The following PPP1R16B variants were observed in gnomAD, a reference collection of about 807,000 sequenced individuals.
The protein encoded by PPP1R16B is protein phosphatase 1 regulatory subunit 16B.
Under a neutral mutation model 61.7 loss-of-function variants are expected in PPP1R16B, and 14 were observed. The ratio of observed to expected loss-of-function variants is 0.23; its 90% CI spans 0.15 to 0.35. The LOEUF (loss-of-function observed/expected upper bound fraction) is 0.35. PPP1R16B is among the 10% of genes least tolerant of loss of function. The pLI, the probability that PPP1R16B is intolerant of heterozygous loss-of-function variation, is 1.00. For synonymous variants in PPP1R16B, 266 were observed against 305.3 expected (o/e 0.87, Z 1.34); for missense variants, 547 against 752.5 (o/e 0.73, Z 3.19).
intron 2 of PPP1R16B, among the ~76,000 whole-genome samples, chr20:38,848,467 C>T (rs2084948609): frequency 6.6e-6 from 1 of 152,174 alleles, no homozygotes; most frequent in East Asian, 1.9e-4. Flanking sequence ...TATTTTGGTG[C>T]CAGTTACATA....
intron 1 of PPP1R16B, among the ~76,000 whole-genome samples, chr20:38,827,156 G>A (rs1397066463): frequency 6.6e-6 from 1 of 152,040 alleles, no homozygotes; most frequent in Non-Finnish European, 1.5e-5. Context: ...TTGCTATGTT[G>A]CCCAGGCTGT....
At chr20:38,871,356 A>C (rs1159828284) in intron 2 of PPP1R16B, among the ~76,000 whole-genome samples, 1 of 152,106 alleles carries the variant, frequency 6.6e-6, no homozygotes, top group Non-Finnish European at 1.5e-5. Context: ...TGGGGAATTC[A>C]ATAGGAGGCA....
chr20:38,865,156 G>C (rs904359286), intron 2 of PPP1R16B, among the ~76,000 whole-genome samples: 1 of 152,138 alleles, frequency 6.6e-6, no homozygotes, highest in Admixed American at 6.5e-5. Context: ...CCGGTTGAGG[G>C]AACTGGAAGG....
intron 2 of PPP1R16B, among the ~76,000 whole-genome samples, chr20:38,870,685 G>A (rs2085122609): frequency 6.6e-6 from 1 of 152,172 alleles, no homozygotes. Context: ...GCTGGCTGAT[G>A]GCCCATACTG....
chr20:38,865,565 A>G (rs913022788), intron 2 of PPP1R16B, among the ~76,000 whole-genome samples: 2 of 152,128 alleles, frequency 1.3e-5, no homozygotes, highest in Non-Finnish European at 2.9e-5. Flanking sequence ...CACTGGGATT[A>G]CAGGCGTGAG....
intron 2 of PPP1R16B, among the ~76,000 whole-genome samples, chr20:38,843,611 C>T (rs963827099): frequency 1.3e-5 from 2 of 152,220 alleles, no homozygotes; most frequent in African/African-American, 4.8e-5. Flanking sequence ...ATCACTTCTA[C>T]CATCTTCTAT....
Position 38,906,049 on chromosome 20 carries a change from C to T in PPP1R16B, c.777C>T (p.Asp259=). The change falls in exon 7 of 11, where the codon GAC becomes GAT. Residue 259 remains aspartate (D), a synonymous_variant. Coordinates refer to ENST00000299824, the MANE Select transcript of PPP1R16B (RefSeq NM_015568.4). ...ATGGAGTGCGTGTGGATGTGAAGGACTGGGATGGCTGGGAGCCCCTGCATG... is the reference window on the plus strand; with the variant it reads ...ATGGAGTGCGTGTGGATGTGAAGGATTGGGATGGCTGGGAGCCCCTGCATG... ...LDHGVRVDVK[D]WDGWEPLHAA... 6.2e-7 allele frequency: 1 copy of T among 1,613,586 alleles called. No homozygotes were observed. Among genetic ancestry groups the T allele is most frequent in the Non-Finnish European group, 8.5e-7 (1 of 1,179,906 alleles).
chr20:38,884,899 G>A (rs566275832), intron 2 of PPP1R16B, among the ~76,000 whole-genome samples: 16 of 151,780 alleles, frequency 1.1e-4, no homozygotes, highest in Admixed American at 2.6e-4. Flanking sequence ...GTGAAACCCC[G>A]TCTCTACTAA....
At chr20:38,817,606 A>G (rs1451711754) in intron 1 of PPP1R16B, among the ~76,000 whole-genome samples, 1 of 151,948 alleles carries the variant, frequency 6.6e-6, no homozygotes, top group Non-Finnish European at 1.5e-5. Context: ...AATATTGTCT[A>G]AATGAGACAA....
chr20:38,832,229 C>G (rs1002929836), intron 1 of PPP1R16B, among the ~76,000 whole-genome samples: 22 of 152,272 alleles, frequency 1.4e-4, no homozygotes, highest in African/African-American at 5.3e-4. Flanking sequence ...CCTAGTACTA[C>G]TATTTTATTA....
intron 2 of PPP1R16B, among the ~76,000 whole-genome samples, chr20:38,861,678 T>C (rs2085052253): frequency 1.4e-5 from 2 of 147,740 alleles, no homozygotes; most frequent in African/African-American, 2.5e-5. Context: ...TTCTTCTTTT[T>C]TTTTTTTTTT....
intron 1 of PPP1R16B, among the ~76,000 whole-genome samples, chr20:38,819,963 C>G (rs931892504): frequency 3.2e-4 from 48 of 152,264 alleles, no homozygotes; most frequent in African/African-American, 1.2e-3. Context: ...TCCAGTCACT[C>G]CCTACACCCT....
At chr20:38,843,270 A>T (rs1245605553) in intron 2 of PPP1R16B, among the ~76,000 whole-genome samples, 1 of 152,256 alleles carries the variant, frequency 6.6e-6, no homozygotes, top group Non-Finnish European at 1.5e-5. Context: ...ATGAACTCAA[A>T]ATTTAGCAGC....
chr20:38,885,247 C>T (rs1423320157), intron 2 of PPP1R16B, among the ~76,000 whole-genome samples: 1 of 151,764 alleles, frequency 6.6e-6, no homozygotes, highest in East Asian at 1.9e-4. Context: ...AGAATGGAGC[C>T]ACGAGAAGGT....
intron 2 of PPP1R16B, among the ~76,000 whole-genome samples, chr20:38,846,522 G>A (rs1310531300): frequency 3.3e-5 from 5 of 152,204 alleles, no homozygotes; most frequent in Admixed American, 1.3e-4. Flanking sequence ...GTCAAATGCT[G>A]TTGAGGGGTT....
In PPP1R16B at chr20:38,839,534, A is replaced by G. The variant is rs147934922; in HGVS notation, c.250+3359A>G. On this transcript the variant is annotated intron_variant, in intron 2 of 10. Coordinates refer to ENST00000299824, the MANE Select transcript of PPP1R16B (RefSeq NM_015568.4). ...CTCCTTTGCTTCTTTTTGTCCATCCATCACTACTGTTGTTAGTTTGATGTT... is the reference window on the plus strand; with the variant it reads ...CTCCTTTGCTTCTTTTTGTCCATCCGTCACTACTGTTGTTAGTTTGATGTT... 3.0e-3 allele frequency among the ~76,000 whole-genome samples: 456 copies of G among 152,072 alleles called. 2 individuals carry two copies. The highest frequency in any genetic ancestry group is 4.9e-3 in the Non-Finnish European group (335 of 67,994).
intron 2 of PPP1R16B, among the ~76,000 whole-genome samples, chr20:38,887,608 A>G (rs189907641): frequency 6.6e-6 from 1 of 152,350 alleles, no homozygotes; most frequent in African/African-American, 2.4e-5. Context: ...GTAGCCACCA[A>G]CCACTTGAAA....
chr20:38,885,566 G>A (rs1244994389), intron 2 of PPP1R16B, among the ~76,000 whole-genome samples: 1 of 152,128 alleles, frequency 6.6e-6, no homozygotes. Context: ...TGGTCCACTG[G>A]CCACCAGCCT....
At chr20:38,894,037 A>G (rs1273570343) in intron 3 of PPP1R16B, among the ~76,000 whole-genome samples, 1 of 151,894 alleles carries the variant, frequency 6.6e-6, no homozygotes, top group Non-Finnish European at 1.5e-5. Context: ...CTGAAGCAGC[A>G]CCCACTCGCT....
Sources: allele counts gnomAD v4.1 joint callset (sites outside exome capture counted in the v4.1 genomes callset), GRCh38; gene constraint gnomAD v4.1.1; transcripts MANE v1.5; gene names NCBI Gene and HGNC (gene_info 2026-07-23, HGNC 2026-07-21).